Variants in WWOX observed in about 807,000 individuals in gnomAD.
WWOX encodes WW domain-containing oxidoreductase.
In WWOX, 69 loss-of-function variants were observed where a neutral mutation model predicts 46.2. The observed-to-expected ratio is 1.49, with a 90% CI of 1.23 to 1.82. The LOEUF is 1.82. Among genes scored for constraint, WWOX ranks in the 40% most tolerant of loss-of-function variants. The pLI, the probability that WWOX is intolerant of heterozygous loss-of-function variation, is 0.00. For missense variants in WWOX, 919 were observed against 542.6 expected, an observed-to-expected ratio of 1.69 and a Z score of -6.89; for synonymous variants, 359 against 202.6, an observed-to-expected ratio of 1.77 and a Z score of -6.56.
At chr16:78,962,105 G>T (rs1371476401) in intron 8 of WWOX, among the ~76,000 whole-genome samples, 1 of 151,910 alleles carries the variant, frequency 6.6e-6, no homozygotes, top group African/African-American at 2.4e-5. Context: ...ACAGTCTTAG[G>T]GTGAAAAAGA....
chr16:79,003,080 C>G (rs550194937), intron 8 of WWOX, among the ~76,000 whole-genome samples: 1 of 152,214 alleles, frequency 6.6e-6, no homozygotes, highest in Non-Finnish European at 1.5e-5. Context: ...AGACCCCACT[C>G]TTCCCCCTGA....
chr16:78,700,968 G>A (rs1460583964), intron 8 of WWOX, among the ~76,000 whole-genome samples: 2 of 152,128 alleles, frequency 1.3e-5, no homozygotes, highest in African/African-American at 4.8e-5. Context: ...GGGTGTTGTA[G>A]GGGGAAGGAA....
chr16:78,391,397 G>T (rs1047483341), intron 6 of WWOX, among the ~76,000 whole-genome samples: 5 of 152,222 alleles, frequency 3.3e-5, no homozygotes, highest in African/African-American at 1.2e-4. Flanking sequence ...AGGTTGCAGT[G>T]CAGAGAGCCT....
chr16:78,215,734 C>G (rs2036697524), intron 5 of WWOX, among the ~76,000 whole-genome samples: 1 of 152,078 alleles, frequency 6.6e-6, no homozygotes, highest in South Asian at 2.1e-4. Context: ...TTGAGACCAT[C>G]CTGGCCAACA....
chr16:78,556,898 C>A (rs35467706), intron 8 of WWOX, among the ~76,000 whole-genome samples: 23,968 of 151,530 alleles, frequency 0.16, 2,059 homozygotes, highest in African/African-American at 0.22. Flanking sequence ...TTTCTATTTT[C>A]AATAGAGATG....
At chr16:78,749,288 C>G (rs577978068) in intron 8 of WWOX, among the ~76,000 whole-genome samples, 8 of 152,216 alleles carry the variant, frequency 5.3e-5, no homozygotes, top group Middle Eastern at 3.4e-3. Flanking sequence ...GAGAGAAGTT[C>G]AATCCTCTTC....
intron 8 of WWOX, among the ~76,000 whole-genome samples, chr16:78,713,898 C>A (rs926318445): frequency 7.2e-5 from 11 of 152,162 alleles, no homozygotes; most frequent in African/African-American, 2.7e-4. Flanking sequence ...GGTGATGGAA[C>A]AGAAACACCC....
chr16:78,124,857 G>C (rs12920698), intron 4 of WWOX, among the ~76,000 whole-genome samples: 16,373 of 152,152 alleles, frequency 0.11, 1,132 homozygotes, highest in Non-Finnish European at 0.16. Context: ...TTCTTCACTA[G>C]ACTCTAAGAG....
In WWOX at chr16:78,101,346, C is replaced by CTTTTTTTTTTTTTTTTTTT. The variant is rs71137871; in HGVS notation, c.107+1478_107+1479insTTTTTTTTTTTTTTTTTTT. Among the ~76,000 whole-genome samples, 131 of 66,834 alleles carry CTTTTTTTTTTTTTTTTTTT rather than the reference C, an allele frequency of 2.0e-3. 22 individuals are homozygous for CTTTTTTTTTTTTTTTTTTT. Among genetic ancestry groups the CTTTTTTTTTTTTTTTTTTT allele is most frequent in the African/African-American group, 4.9e-3 (107 of 22,056 alleles). 43.8% of individuals were successfully genotyped at this position (66,834 alleles called of 152,430 possible). A position where few individuals can be genotyped will look rare whatever the true frequency, so the allele number is the denominator to read the frequency against. ...ACAGGCGTGAGCTACCGCTCCCGGC[C>CTTTTTTTTTTTTTTTTTTT]TTTTTTTTTTTTTTTTTAAAGACAG... On this transcript the variant is annotated intron_variant, in intron 1 of 8. Transcript: ENST00000566780.
chr16:78,836,463 G>T (rs1372853242), intron 8 of WWOX, among the ~76,000 whole-genome samples: 1 of 152,148 alleles, frequency 6.6e-6, no homozygotes, highest in Non-Finnish European at 1.5e-5. Flanking sequence ...CCTGAAGGGT[G>T]GCATCCACTC....
chr16:79,191,687 G>A (rs1044469279), intron 8 of WWOX, among the ~76,000 whole-genome samples: 9 of 152,196 alleles, frequency 5.9e-5, no homozygotes, highest in Admixed American at 3.3e-4. Flanking sequence ...AATAGGCCAT[G>A]ATAAAGAATA....
intron 5 of WWOX, among the ~76,000 whole-genome samples, chr16:78,174,387 C>T (rs1310004135): frequency 6.6e-6 from 1 of 152,100 alleles, no homozygotes; most frequent in Admixed American, 6.5e-5. Flanking sequence ...ATTCAATTAC[C>T]TCCCCCCGGG....
intron 5 of WWOX, among the ~76,000 whole-genome samples, chr16:78,359,713 C>G (rs1053918356): frequency 2.0e-5 from 3 of 152,148 alleles, no homozygotes; most frequent in African/African-American, 7.2e-5. Flanking sequence ...AAAACACAAC[C>G]TTTTACGAGA....
intron 5 of WWOX, among the ~76,000 whole-genome samples, chr16:78,322,942 C>T (rs1484368681): frequency 6.6e-6 from 1 of 152,108 alleles, no homozygotes; most frequent in Non-Finnish European, 1.5e-5. Context: ...AATATGAAAA[C>T]CATTCTTAGT....
At chr16:78,406,698 C>G (rs918922568) in intron 6 of WWOX, among the ~76,000 whole-genome samples, 1 of 150,634 alleles carries the variant, frequency 6.6e-6, no homozygotes, top group African/African-American at 2.5e-5. Context: ...GCAATCTCGG[C>G]TCACTGCAAC....
intron 8 of WWOX, among the ~76,000 whole-genome samples, chr16:78,765,225 C>G (rs374322280): frequency 2.6e-5 from 4 of 152,156 alleles, no homozygotes; most frequent in Admixed American, 6.5e-5. Context: ...GGATCCAGCA[C>G]GAGCAAAGGC....
chr16:79,146,817 C>A lies in WWOX; in HGVS notation c.1057-64791C>A, dbSNP rs369200059. ...GATTTTAGTGCTAGGATTGGAGACCCCAGCAGAAGTAGCAAATACTGTGTG... is the reference window on the plus strand; with the variant it reads ...GATTTTAGTGCTAGGATTGGAGACCACAGCAGAAGTAGCAAATACTGTGTG... On this transcript the variant is annotated intron_variant, in intron 8 of 8. Coordinates refer to ENST00000566780, the MANE Select transcript of WWOX (RefSeq NM_016373.4). Among the ~76,000 whole-genome samples, 9 of 152,044 alleles carry A rather than the reference C, an allele frequency of 5.9e-5. No homozygotes were observed. In the East Asian group the frequency reaches 1.7e-3, roughly 29 times the overall value.
chr16:78,816,710 TATC>T (rs1410330904), intron 8 of WWOX, among the ~76,000 whole-genome samples: 1 of 151,974 alleles, frequency 6.6e-6, no homozygotes, highest in Non-Finnish European at 1.5e-5. Context: ...AAATGTAGAG[TATC>T]ATCTAAAAAT....
chr16:78,771,639 G>T (rs1431600810), intron 8 of WWOX, among the ~76,000 whole-genome samples: 1 of 152,110 alleles, frequency 6.6e-6, no homozygotes. Context: ...GGGCATTGTG[G>T]TGGGTGTCTG....
Sources: allele counts gnomAD v4.1 joint callset (sites outside exome capture counted in the v4.1 genomes callset), GRCh38; gene constraint gnomAD v4.1.1; transcripts MANE v1.5; gene names NCBI Gene and HGNC (gene_info 2026-07-23, HGNC 2026-07-21).